TNFRSF8: variants seen among roughly 807,000 people sequenced by gnomAD.
The protein encoded by TNFRSF8 is TNF receptor superfamily member 8.
Under a neutral mutation model 70.8 loss-of-function variants are expected in TNFRSF8, and 26 were observed. That is an observed-to-expected ratio of 0.37 (90% CI 0.27 to 0.51). The LOEUF is 0.51. TNFRSF8 is among the 20% of genes least tolerant of loss of function. The probability of loss-of-function intolerance (pLI) is 0.94; values close to 1 mark genes in which losing one functional copy is unlikely to be tolerated. For missense variants in TNFRSF8, 720 were observed against 807.9 expected (o/e 0.89, Z 1.32); for synonymous variants, 356 against 339.2 (o/e 1.05, Z -0.54).
chr1:12,084,422 T>C, intron 1 of TNFRSF8, 42 bp from the exon 2 acceptor site: 1 of 1,570,506 alleles, frequency 6.4e-7, no homozygotes, highest in Non-Finnish European at 8.8e-7. Context: ...AGTATGGATA[T>C]CTGGGATCCA....
chr1:12,092,577 T>C lies in TNFRSF8; in HGVS notation c.152-4524T>C, dbSNP rs183902845. On this transcript the variant is annotated intron_variant, in intron 2 of 14. Coordinates refer to ENST00000263932, the MANE Select transcript of TNFRSF8 (RefSeq NM_001243.5). The stretch of plus-strand genomic sequence containing the variant: ...GGCTGGATTGCAGTGGCGTGATCTC[T>C]GCTCACTGCAAGCTCCGCCTCCCGG... Among the ~76,000 whole-genome samples, 408 of 150,278 alleles carry C rather than the reference T, an allele frequency of 2.7e-3. 2 individuals carry two copies. Among genetic ancestry groups the C allele is most frequent in the African/African-American group, 9.6e-3 (394 of 40,906 alleles).
intron 3 of TNFRSF8, among the ~76,000 whole-genome samples, chr1:12,099,626 G>A (rs1349993116): frequency 6.6e-6 from 1 of 151,900 alleles, no homozygotes; most frequent in Non-Finnish European, 1.5e-5. Flanking sequence ...TTATAGTCAT[G>A]TATTGCTTAT....
intron 1 of TNFRSF8, among the ~76,000 whole-genome samples, chr1:12,069,563 G>A (rs1296253628): frequency 1.3e-5 from 2 of 152,144 alleles, no homozygotes; most frequent in African/African-American, 2.4e-5. Flanking sequence ...TTGGGTCCCC[G>A]GAGTCTCTCA....
intron 1 of TNFRSF8, among the ~76,000 whole-genome samples, chr1:12,083,165 C>G (rs1415395201): frequency 1.3e-5 from 2 of 152,192 alleles, no homozygotes; most frequent in Admixed American, 6.5e-5. Flanking sequence ...CCACCAAGTG[C>G]TGACAAGGAT....
At chr1:12,104,318 A>C in intron 3 of TNFRSF8, 61 bp from the exon 4 acceptor site, 1 of 1,594,766 alleles carries the variant, frequency 6.3e-7, no homozygotes, top group Non-Finnish European at 8.6e-7. Flanking sequence ...TCATCTCAAG[A>C]GCTATCTGGA....
chr1:12,065,742 G>A (rs115039761), intron 1 of TNFRSF8, among the ~76,000 whole-genome samples: 2 of 152,238 alleles, frequency 1.3e-5, no homozygotes, highest in African/African-American at 4.8e-5. Flanking sequence ...AATGCTATGT[G>A]ATCTTTTGCC....
intron 1 of TNFRSF8, among the ~76,000 whole-genome samples, chr1:12,067,790 G>A (rs902670590): frequency 3.3e-5 from 5 of 151,846 alleles, no homozygotes; most frequent in South Asian, 2.1e-4. Flanking sequence ...AGTGCTAATC[G>A]TGGAATTTCA....
intron 2 of TNFRSF8, among the ~76,000 whole-genome samples, chr1:12,089,152 C>T (rs1459705748): frequency 6.6e-6 from 1 of 152,178 alleles, no homozygotes; most frequent in Non-Finnish European, 1.5e-5. Flanking sequence ...CCCTCCCTGA[C>T]CCCAAGCCAG....
At chr1:12,068,948 T>C (rs2100941631) in intron 1 of TNFRSF8, among the ~76,000 whole-genome samples, 1 of 151,868 alleles carries the variant, frequency 6.6e-6, no homozygotes, top group East Asian at 1.9e-4. Flanking sequence ...CTCGGCTCAC[T>C]GCAACCTCCG....
intron 2 of TNFRSF8, among the ~76,000 whole-genome samples, chr1:12,091,043 A>G (rs1641240546): frequency 6.6e-6 from 1 of 152,214 alleles, no homozygotes; most frequent in African/African-American, 2.4e-5. Flanking sequence ...GTGGGAGGAC[A>G]TGGGGAACAC....
At position 12,110,177 on chromosome 1, in the gene TNFRSF8, T is replaced by C; in HGVS notation, c.649T>C (p.Ser217Pro). 1 of 1,608,008 alleles carries C rather than the reference T, an allele frequency of 6.2e-7. No homozygotes were observed. Among genetic ancestry groups the C allele is most frequent in the South Asian group, 1.1e-5 (1 of 90,062 alleles). The change falls in exon 6 of 15, where the codon TCT becomes CCT. Residue 217 changes from serine to proline, a missense_variant. Transcript: ENST00000263932. The surrounding 1 kb of genome is among the most constrained non-coding windows in gnomAD (Gnocchi z 4.0). ...KLTRAPDSPS[S>P]VGRPSSDPGL... ...GACGAGGGCTCCCGACTCTCCCTCC[T>C]CTGTGGGAAGGCCTAGTTCAGATCC...
chr1:12,130,361 C>A (rs1642025074), intron 12 of TNFRSF8, among the ~76,000 whole-genome samples: 1 of 152,204 alleles, frequency 6.6e-6, no homozygotes, highest in African/African-American at 2.4e-5. Context: ...TTTAAGCTGG[C>A]TCTTGTGTGC....
intron 3 of TNFRSF8, among the ~76,000 whole-genome samples, chr1:12,098,677 T>A (rs1192179714): frequency 2.0e-5 from 3 of 146,344 alleles, no homozygotes; most frequent in East Asian, 2.0e-4. Context: ...GCAATTCCTT[T>A]AAAAAAAAAA....
At chr1:12,080,750 G>C (rs769803911) in intron 1 of TNFRSF8, among the ~76,000 whole-genome samples, 2 of 152,074 alleles carry the variant, frequency 1.3e-5, no homozygotes, top group Non-Finnish European at 2.9e-5. Context: ...AGTAGAGACG[G>C]GGTTTCGCCA....
At chr1:12,068,067 G>A (rs1222492155) in intron 1 of TNFRSF8, among the ~76,000 whole-genome samples, 1 of 152,176 alleles carries the variant, frequency 6.6e-6, no homozygotes, top group Non-Finnish European at 1.5e-5. Context: ...TTTACTGTAA[G>A]TTTCTGCTTC....
intron 1 of TNFRSF8, among the ~76,000 whole-genome samples, chr1:12,073,977 T>C (rs772824790): frequency 1.6e-4 from 25 of 152,154 alleles, no homozygotes; most frequent in Non-Finnish European, 2.6e-4. Flanking sequence ...GGGTGGGTTT[T>C]ACCTTGTCTG....
chr1:12,090,597 C>T (rs1641233393), intron 2 of TNFRSF8, among the ~76,000 whole-genome samples: 1 of 150,660 alleles, frequency 6.6e-6, no homozygotes, highest in African/African-American at 2.4e-5. Flanking sequence ...CCCACCCACT[C>T]ATCCATTTAC....
chr1:12,124,313 G>A (rs1641890933), intron 10 of TNFRSF8, among the ~76,000 whole-genome samples: 2 of 152,178 alleles, frequency 1.3e-5, no homozygotes, highest in Admixed American at 6.5e-5. Flanking sequence ...CTGGCTGCTA[G>A]TGACTATTCT....
intron 12 of TNFRSF8, among the ~76,000 whole-genome samples, chr1:12,127,724 GCTGAGTGTCT>G (rs11569924): frequency 0.013 from 1,968 of 152,310 alleles, 44 homozygotes; most frequent in African/African-American, 0.043. Context: ...GACCTGTCAG[GCTGAGTGTCT>G]CATTGAAACC....
Sources: gnomAD v4.1 joint callset for allele counts (sites outside exome capture counted in the v4.1 genomes callset) on GRCh38, gnomAD v4.1.1 for gene constraint, Gnocchi (gnomAD v3.1) non-coding constraint, MANE v1.5 for transcripts, NCBI Gene and HGNC (gene_info 2026-07-23, HGNC 2026-07-21) for gene names.